TEP1: variants seen among roughly 807,000 people sequenced by gnomAD.
TEP1 encodes telomerase associated protein 1.
A neutral mutation model predicts 306.3 loss-of-function variants in TEP1; 241 were observed. That is an observed-to-expected ratio of 0.79 (90% CI 0.71 to 0.88). The LOEUF (loss-of-function observed/expected upper bound fraction) is 0.88. Ranked by LOEUF, TEP1 falls within the 40% of genes least tolerant of loss-of-function variation. The pLI is 0.00. For synonymous variants in TEP1, 1,289 were observed against 1,305.5 expected (o/e 0.99, Z 0.27); for missense variants, 3,051 against 3,276.1 (o/e 0.93, Z 1.68).
intron 35 of TEP1, 74 bp from the exon 36 acceptor site, chr14:20,379,179 C>T: frequency 6.4e-7 from 1 of 1,561,006 alleles, no homozygotes; most frequent in East Asian, 2.2e-5. Flanking sequence ...CCAGGCCCCA[C>T]CCAAAAAGAA....
At chr14:20,380,169 C>G in intron 34 of TEP1, 66 bp downstream of exon 34, 1 of 1,585,038 alleles carries the variant, frequency 6.3e-7, no homozygotes, top group Admixed American at 1.7e-5. Flanking sequence ...CCTTATTCCT[C>G]AGTTTCAGAA....
At chr14:20,385,527 C>T (rs924204493) in intron 20 of TEP1, among the ~76,000 whole-genome samples, 1 of 152,152 alleles carries the variant, frequency 6.6e-6, no homozygotes, top group African/African-American at 2.4e-5. Context: ...TGTCTACCAC[C>T]AAGCCCAGCT....
chr14:20,399,625 T>C (rs1307085799), intron 9 of TEP1, among the ~76,000 whole-genome samples: 3 of 122,700 alleles, frequency 2.4e-5, no homozygotes, highest in African/African-American at 3.2e-5. Context: ...AGTGAGGCCC[T>C]GTTTCTTAAA....
chr14:20,382,302 T>C lies in TEP1; in HGVS notation c.4195A>G (p.Ile1399Val). 1.9e-6 allele frequency: 3 copies of C among 1,613,890 alleles called. No homozygotes were observed. In the Admixed American group the frequency reaches 5.0e-5, roughly 27 times the overall value. Residue 1399 changes from isoleucine to valine, a missense_variant, in exon 29 of 55, where the codon ATC becomes GTC. Around this residue, in one of 3 missense-constraint regions of TEP1, gnomAD observed 1,540 missense variants for 1,705.9 expected, o/e 0.90. Coordinates refer to ENST00000262715, the MANE Select transcript of TEP1 (RefSeq NM_007110.5). ...PATVPLLLQH[I>V]LSTLEKEHGP... The stretch of plus-strand genomic sequence containing the variant: ...TGCTCCTTCTCCAGTGTGCTCAGGA[T>C]GTGCTGCAGCAGCAGGGGGACAGTG...
chr14:20,410,020 C>CAAAAAAAAAAAAAAAAAAAAAAAAA (rs570672845), intron 1 of TEP1, among the ~76,000 whole-genome samples: 4 of 58,922 alleles, frequency 6.8e-5, no homozygotes, highest in Non-Finnish European at 9.7e-5. Flanking sequence ...GACTCTGTCT[C>CAAAAAAAAAAAAAAAAAAAAAAAAA]AAAAAAAAAA....
chr14:20,388,292 G>A (rs112417669), intron 17 of TEP1, among the ~76,000 whole-genome samples: 7,199 of 152,284 alleles, frequency 0.047, 181 homozygotes, highest in South Asian at 0.089. Flanking sequence ...CCTGCTGTGC[G>A]TGGTAATCAC....
chr14:20,406,094 GATT>G (rs1388559827), intron 3 of TEP1, 136 bp downstream of exon 3: 1 of 645,244 alleles, frequency 1.5e-6, no homozygotes, highest in Non-Finnish European at 2.5e-6. Context: ...AAGAAAAGGG[GATT>G]AGGAAGTGAG....
chr14:20,380,933 T>C lies in TEP1; in HGVS notation c.4760A>G (p.Tyr1587Cys). Residue 1587 changes from tyrosine to cysteine, a missense_variant and splice_region_variant, in exon 33 of 55, where the codon TAT becomes TGT. Transcript: ENST00000262715. ...VSRLLEAHAL[Y>C]ASSVPKEEQK... ...ACCCAGCCAGTGACTCATCTCACCA[T>C]AGAGGGCATGGGCCTCCAAGAGCCG... 2 of 1,613,436 alleles carry C rather than the reference T, an allele frequency of 1.2e-6. No homozygotes were observed. The highest frequency in any genetic ancestry group is 1.7e-6 in the Non-Finnish European group (2 of 1,179,476).
intron 16 of TEP1, 66 bp downstream of exon 16, chr14:20,389,544 C>T: frequency 1.3e-6 from 2 of 1,590,738 alleles, no homozygotes; most frequent in Non-Finnish European, 8.6e-7. Context: ...TATGCTTTGG[C>T]AGGCGTAGAG....
intron 46 of TEP1, 35 bp downstream of exon 46, chr14:20,373,463 TACCTTCCCC>T (rs779861875): frequency 1.4e-5 from 22 of 1,613,896 alleles, no homozygotes; most frequent in African/African-American, 4.0e-5. Flanking sequence ...TTATTCCGCA[TACCTTCCCC>T]ACCTCCCTTG....
intron 16 of TEP1, 105 bp downstream of exon 16, chr14:20,389,505 G>T: frequency 6.5e-7 from 1 of 1,536,532 alleles, no homozygotes; most frequent in Non-Finnish European, 8.9e-7. Context: ...AGGCAGAGTT[G>T]GGGAGATCCC....
rs1006230225 is a variant in TEP1, at chr14:20,371,218, C to A, written c.7317G>T (p.Leu2439Phe). The change falls in exon 51 of 55, where the codon TTG becomes TTT. Residue 2439 changes from leucine (L) to phenylalanine (F), a missense_variant and splice_region_variant. By Grantham distance (22) the Leu-to-Phe change is conservative. Around this residue, in one of 3 missense-constraint regions of TEP1, gnomAD observed 1,540 missense variants for 1,705.9 expected, o/e 0.90. Transcript: ENST00000262715. Reference protein sequence around the residue: ...QPKDPGVLSFLRQKESGEFEE... With the variant: ...QPKDPGVLSFFRQKESGEFEE... ...TAGCACACACTCAAATAGGACTTAC[C>A]AAGAAAGAAAGAACTCCAGGATCCT... 1 of 1,613,104 alleles carries A rather than the reference C, an allele frequency of 6.2e-7. No homozygotes were observed. The highest frequency in any genetic ancestry group is 8.5e-7 in the Non-Finnish European group (1 of 1,179,244).
At chr14:20,385,468 G>C (rs930546625) in intron 20 of TEP1, among the ~76,000 whole-genome samples, 2 of 152,026 alleles carry the variant, frequency 1.3e-5, no homozygotes, top group African/African-American at 2.4e-5. Context: ...CGCCTCCTCG[G>C]TTCAAGCAAT....
chr14:20,380,118 G>GT (rs1278921886), intron 34 of TEP1, 65 bp from the exon 35 acceptor site: 8 of 1,586,270 alleles, frequency 5.0e-6, no homozygotes, highest in Non-Finnish European at 6.9e-6. Context: ...GTTGATTTAT[G>GT]TGCTTCTGTG....
intron 7 of TEP1, among the ~76,000 whole-genome samples, chr14:20,402,683 G>A (rs1878847292): frequency 6.6e-6 from 1 of 152,200 alleles, no homozygotes; most frequent in African/African-American, 2.4e-5. Context: ...GTGGATGGAA[G>A]ATTCAAAGCC....
At chr14:20,410,779 T>C (rs1879606443) in intron 1 of TEP1, among the ~76,000 whole-genome samples, 1 of 149,948 alleles carries the variant, frequency 6.7e-6, no homozygotes, top group African/African-American at 2.4e-5. Flanking sequence ...ATTAGCCCAC[T>C]TGCTAATTGT....
chr14:20,397,631 CT>C (rs1376904089), intron 9 of TEP1, among the ~76,000 whole-genome samples: 1 of 152,172 alleles, frequency 6.6e-6, no homozygotes, highest in African/African-American at 2.4e-5. Flanking sequence ...TTAGTCATTA[CT>C]TTTTTTGCTT....
At chr14:20,393,927 A>T (rs1057029154) in intron 12 of TEP1, among the ~76,000 whole-genome samples, 1 of 152,012 alleles carries the variant, frequency 6.6e-6, no homozygotes, top group Non-Finnish European at 1.5e-5. Context: ...ACTCTACAAA[A>T]AATACAAAAA....
chr14:20,408,169 T>A lies in TEP1; in HGVS notation c.271A>T (p.Met91Leu). Reference protein sequence around the residue: ...CLATLSDLKTMEKPHGHVSAH... With the variant: ...CLATLSDLKTLEKPHGHVSAH... ...GAAACATGTCCATGTGGTTTCTCCA[T>A]GGTCTTCAGGTCAGAAAGTGTGGCC... Residue 91 changes from methionine to leucine, a missense_variant, in exon 2 of 55, where the codon ATG (methionine) becomes TTG (leucine). Coordinates refer to ENST00000262715, the MANE Select transcript of TEP1 (RefSeq NM_007110.5). The A allele has an allele frequency of 6.2e-7, 1 of 1,612,420 alleles. No homozygotes were observed.
Sources: gnomAD v4.1 joint callset for allele counts (sites outside exome capture counted in the v4.1 genomes callset) on GRCh38, gnomAD v4.1.1 for gene constraint, gnomAD v4.1.1 regional missense constraint, MANE v1.5 for transcripts, NCBI Gene and HGNC (gene_info 2026-07-23, HGNC 2026-07-21) for gene names.